Variants in DDX27 observed in about 807,000 individuals in gnomAD.
The protein encoded by DDX27 is probable ATP-dependent RNA helicase DDX27.
In DDX27, 42 loss-of-function variants were observed where a neutral mutation model predicts 99.3. The ratio of observed to expected loss-of-function variants is 0.42; its 90% CI spans 0.33 to 0.55. The LOEUF (loss-of-function observed/expected upper bound fraction) is 0.55, where lower values mean the gene tolerates loss of function less well. Ranked by LOEUF, DDX27 falls within the 20% of genes least tolerant of loss-of-function variation. The pLI, the probability that DDX27 is intolerant of heterozygous loss-of-function variation, is 0.07. For missense variants in DDX27, 798 were observed against 976.8 expected (o/e 0.82, Z 2.44); for synonymous variants, 329 against 353.8 (o/e 0.93, Z 0.79).
At chr20:49,221,066 A>G (rs1412390947) in intron 1 of DDX27, among the ~76,000 whole-genome samples, 1 of 152,136 alleles carries the variant, frequency 6.6e-6, no homozygotes, top group African/African-American at 2.4e-5. Context: ...GGTTCAGGCA[A>G]TCCTCCTGCC....
At chr20:49,222,049 T>C (rs1979707585) in intron 2 of DDX27, among the ~76,000 whole-genome samples, 1 of 152,150 alleles carries the variant, frequency 6.6e-6, no homozygotes, top group Admixed American at 6.6e-5. Context: ...CCATTTCATG[T>C]CTTCAAAGAG....
chr20:49,226,376 T>C, intron 6 of DDX27, 54 bp from the exon 7 acceptor site: 1 of 1,427,802 alleles, frequency 7.0e-7, no homozygotes, highest in Non-Finnish European at 9.7e-7. Flanking sequence ...CTGTTTGTGT[T>C]GTGCTGAGAC....
Position 49,235,206 on chromosome 20 carries a change from C to T in DDX27, c.1427+118C>T, listed in dbSNP as rs193261044. Reference sequence around the variant, plus strand: ...ATTAGCAGGGGACACATAGCATGATCTTGGCCTTGAACATTTTAACCTAAC... The same window carrying T: ...ATTAGCAGGGGACACATAGCATGATTTTGGCCTTGAACATTTTAACCTAAC... On this transcript the variant is annotated intron_variant, in intron 12 of 20. Coordinates refer to ENST00000618172, the MANE Select transcript of DDX27 (RefSeq NM_017895.8). 3 of 1,237,014 alleles carry T rather than the reference C, an allele frequency of 2.4e-6. No homozygotes were observed. The African/African-American group carries it at 4.6e-5, about 19-fold the overall frequency. 76.6% of individuals were successfully genotyped at this position (1,237,014 alleles called of 1,614,324 possible). A position where few individuals can be genotyped will look rare whatever the true frequency, so the allele number is the denominator to read the frequency against.
intron 7 of DDX27, among the ~76,000 whole-genome samples, chr20:49,227,787 C>T (rs1005643707): frequency 7.1e-4 from 108 of 151,960 alleles, no homozygotes; most frequent in Non-Finnish European, 7.8e-4. Flanking sequence ...CTTGGGGTAT[C>T]CCTGATCTCT....
chr20:49,228,932 T>C, intron 8 of DDX27, 44 bp downstream of exon 8: 1 of 1,518,802 alleles, frequency 6.6e-7, no homozygotes, highest in Non-Finnish European at 8.9e-7. Context: ...GAGACTGTGG[T>C]GGGGTGGAGG....
In DDX27 at chr20:49,236,348, A is replaced by C. The variant is rs752659057; in HGVS notation, c.1525A>C (p.Met509Leu). ...EGVKTVINFTMPNTIKHYVHR... is the reference protein window; with the variant it reads ...EGVKTVINFTLPNTIKHYVHR... ...GACCTTCTAGGTAATCAACTTCACA[A>C]TGCCTAATACCATCAAACATTATGT... Residue 509 changes from methionine (M) to leucine (L), a missense_variant, in exon 14 of 21, where the codon ATG (methionine) becomes CTG (leucine). Met to Leu is a conservative substitution (Grantham distance 15). Coordinates refer to ENST00000618172, the MANE Select transcript of DDX27 (RefSeq NM_017895.8). This position sits in a 1 kb window ranked among gnomAD's most constrained non-coding sequence, Gnocchi z 4.1. 1.1e-5 allele frequency: 17 copies of C among 1,584,796 alleles called. No homozygotes were observed. The highest frequency in any genetic ancestry group is 1.5e-5 in the Non-Finnish European group (17 of 1,162,410).
rs1980329292 is a variant in DDX27 at position 49,236,979 on chromosome 20, C to T, written c.1687+469C>T. On this transcript the variant is annotated intron_variant, in intron 14 of 20. Transcript: ENST00000618172. This position sits in a 1 kb window ranked among gnomAD's most constrained non-coding sequence, Gnocchi z 4.1. ...CACCCACCTTCTGCCTCCCAAAGTG[C>T]CGGGATTAACAGTAATGAGCCACCA... Among the ~76,000 whole-genome samples, 2 of 152,078 alleles carry T rather than the reference C, an allele frequency of 1.3e-5. No homozygotes were observed. Among genetic ancestry groups the T allele is most frequent in the African/African-American group, 4.8e-5 (2 of 41,410 alleles).
Position 49,234,951 on chromosome 20 carries a change from C to T in DDX27, c.1290C>T (p.Thr430=). 1 of 1,605,060 alleles carries T rather than the reference C, an allele frequency of 6.2e-7. No homozygotes were observed. Among genetic ancestry groups the T allele is most frequent in the East Asian group, 2.2e-5 (1 of 44,678 alleles). ...TCCTGCCAGCTTTGTTGACGAGGAC[C>T]TTCACTGACCATGTGATGCTGTTCA... The part of the protein sequence containing the change: ...EAIVAALLTR[T]FTDHVMLFTQ... The change falls in exon 12 of 21, where the codon ACC becomes ACT. Residue 430 remains threonine, a synonymous_variant. Transcript: ENST00000618172.
chr20:49,229,439 T>G (rs1411245225), intron 8 of DDX27, among the ~76,000 whole-genome samples: 2 of 152,092 alleles, frequency 1.3e-5, no homozygotes, highest in Admixed American at 6.6e-5. Flanking sequence ...CTGAACAAAT[T>G]TGGGGTATAA....
At chr20:49,224,903 G>A (rs1979821913) in intron 4 of DDX27, 42 bp from the exon 5 acceptor site, 8 of 1,611,968 alleles carry the variant, frequency 5.0e-6, no homozygotes, top group East Asian at 2.2e-5. Context: ...CAAGTGCTTT[G>A]TAAGTCTGAG....
At chr20:49,224,694 A>T in intron 4 of DDX27, 1 of 473,812 alleles carries the variant, frequency 2.1e-6, no homozygotes, top group Non-Finnish European at 3.8e-6. Flanking sequence ...AATGTGTGCT[A>T]AAGCATCATA....
chr20:49,219,749 G>A (rs1409535712), intron 1 of DDX27, among the ~76,000 whole-genome samples: 1 of 152,112 alleles, frequency 6.6e-6, no homozygotes, highest in Non-Finnish European at 1.5e-5. Context: ...GTCGTTCCCT[G>A]TCTCCTTGCT....
intron 3 of DDX27, 23 bp from the exon 4 acceptor site, chr20:49,223,245 C>G: frequency 6.3e-7 from 1 of 1,598,862 alleles, no homozygotes; most frequent in South Asian, 1.1e-5. Flanking sequence ...TTCTCATCAC[C>G]CTCACTTTAA....
chr20:49,225,759 A>G (rs1979864792), intron 6 of DDX27, among the ~76,000 whole-genome samples: 1 of 151,832 alleles, frequency 6.6e-6, no homozygotes, highest in East Asian at 1.9e-4. Context: ...CCGGCCGAGA[A>G]CTCTCTTAAG....
At chr20:49,227,672 T>G (rs1337728299) in intron 7 of DDX27, among the ~76,000 whole-genome samples, 1 of 152,004 alleles carries the variant, frequency 6.6e-6, no homozygotes, top group East Asian at 1.9e-4. Flanking sequence ...CCTGGCATAC[T>G]GAAGGATTAA....
At chr20:49,235,302 G>A (rs143786337) in intron 12 of DDX27, 4 of 473,034 alleles carry the variant, frequency 8.5e-6, no homozygotes, top group Non-Finnish European at 1.4e-5. Context: ...TCATGTCCTT[G>A]GATGCTTGTC....
At chr20:49,242,461 G>T in intron 18 of DDX27, 133 bp from the exon 19 acceptor site, 1 of 1,066,310 alleles carries the variant, frequency 9.4e-7, no homozygotes, top group Non-Finnish European at 1.4e-6. Flanking sequence ...TGGAGGAGCT[G>T]GTGAGGACAG....
In DDX27 at chr20:49,241,902, C is replaced by T. The variant is rs747217556; in HGVS notation, c.1907C>T (p.Ala636Val). The T allele has an allele frequency of 1.9e-6, 3 of 1,614,168 alleles. 1 individual carries two copies. In the South Asian group the frequency reaches 3.3e-5, roughly 18 times the overall value. ...EERKKEKIAK[A>V]LQEFDLALRG... ...TTTCTTCTCATCCCAGTTGCCAAAG[C>T]TCTGCAGGAATTTGACTTGGCCTTA... Residue 636 changes from alanine to valine, a missense_variant, in exon 17 of 21, where the codon GCT becomes GTT. By Grantham distance (64) the Ala-to-Val change is moderately conservative. This residue lies in a region of DDX27 where 553 missense variants were observed against 727.9 expected (regional missense o/e 0.76). Transcript: ENST00000618172.
At chr20:49,238,911 C>A in intron 14 of DDX27, 38 bp from the exon 15 acceptor site, 1 of 1,512,414 alleles carries the variant, frequency 6.6e-7, no homozygotes, top group Non-Finnish European at 9.2e-7. Flanking sequence ...GCCTGGCCTA[C>A]CCTTATTTGT....
Sources: gnomAD v4.1 joint callset for allele counts (sites outside exome capture counted in the v4.1 genomes callset) on GRCh38, gnomAD v4.1.1 for gene constraint, gnomAD v4.1.1 regional missense constraint, Gnocchi (gnomAD v3.1) non-coding constraint, MANE v1.5 for transcripts, NCBI Gene and HGNC (gene_info 2026-07-23, HGNC 2026-07-21) for gene names.